Variants in CEP164 observed in about 807,000 individuals in gnomAD.
CEP164 encodes the protein centrosomal protein of 164 kDa.
In CEP164, 162 loss-of-function variants were observed where a neutral mutation model predicts 182.7. The observed-to-expected ratio is 0.89, with a 90% CI of 0.78 to 1.01. CEP164 has a LOEUF of 1.01. Ranked by LOEUF, CEP164 falls within the 50% of genes least tolerant of loss-of-function variation. The pLI, the probability that CEP164 is intolerant of heterozygous loss-of-function variation, is 0.00. For missense variants in CEP164, 1,735 were observed against 1,790.4 expected (o/e 0.97, Z 0.56); for synonymous variants, 661 against 690.0 (o/e 0.96, Z 0.66).
Position 117,412,222 on chromosome 11 carries a change from G to C in CEP164, c.*54G>C. Reference sequence around the variant, plus strand: ...AGCCTCTCCTCCACCCAGACCAAGTGCCTGAGGAGCTGCCTGCCTTCTTCC... The same window carrying C: ...AGCCTCTCCTCCACCCAGACCAAGTCCCTGAGGAGCTGCCTGCCTTCTTCC... On this transcript the variant is annotated 3_prime_UTR_variant, in exon 33 of 33. Coordinates refer to ENST00000278935, the MANE Select transcript of CEP164 (RefSeq NM_014956.5). 6.7e-7 allele frequency: 1 copy of C among 1,495,212 alleles called. No homozygotes were observed. Among genetic ancestry groups the C allele is most frequent in the Non-Finnish European group, 9.2e-7 (1 of 1,091,270 alleles). 92.6% of individuals were successfully genotyped at this position (1,495,212 alleles called of 1,614,324 possible). A position where few individuals can be genotyped will look rare whatever the true frequency, so the allele number is the denominator to read the frequency against.
chr11:117,368,868 G>A (rs1362080102), intron 8 of CEP164, among the ~76,000 whole-genome samples: 2 of 152,236 alleles, frequency 1.3e-5, no homozygotes, highest in African/African-American at 4.8e-5. Context: ...TAGGGATGCT[G>A]GGAGGGGTAG....
chr11:117,326,799 C>T (rs972749111), upstream of CEP164, among the ~76,000 whole-genome samples: 15 of 152,190 alleles, frequency 9.9e-5, no homozygotes, highest in African/African-American at 2.7e-4. Context: ...CTATCAGGAG[C>T]GGCTCTATGA....
intron 27 of CEP164, 151 bp downstream of exon 27, chr11:117,397,464 A>G (rs2045629008): frequency 1.5e-6 from 1 of 655,370 alleles, no homozygotes; most frequent in Non-Finnish European, 2.6e-6. Flanking sequence ...TTTACTTGGC[A>G]ATGCATAGTA....
rs534507508 is a variant in CEP164 at position 117,387,117 on chromosome 11, G to A, written c.1725-86G>A. The A allele has an allele frequency of 1.1e-3, 1,345 of 1,204,974 alleles. 3 individuals carry two copies. Among genetic ancestry groups the A allele is most frequent in the East Asian group, 3.3e-3 (141 of 42,842 alleles). 74.6% of individuals were successfully genotyped at this position (1,204,974 alleles called of 1,614,324 possible). On this transcript the variant is annotated intron_variant, in intron 14 of 32. Coordinates refer to ENST00000278935, the MANE Select transcript of CEP164 (RefSeq NM_014956.5). ...TGGGCCCTCCATTAGGATTCCATCT[G>A]TGATGTTCCGTATCCATTCTAACCT...
chr11:117,364,909 G>A (rs2041447730), intron 8 of CEP164, among the ~76,000 whole-genome samples: 2 of 152,198 alleles, frequency 1.3e-5, no homozygotes, highest in African/African-American at 4.8e-5. Context: ...CTTGCCAAAT[G>A]TGACACTTTT....
In CEP164 at chr11:117,411,698, AAG is replaced by A. The variant is rs2047371425; in HGVS notation, c.4164-94_4164-93del. On this transcript the variant is annotated intron_variant, in intron 31 of 32. Coordinates refer to ENST00000278935, the MANE Select transcript of CEP164 (RefSeq NM_014956.5). This position sits in a 1 kb window ranked among gnomAD's most constrained non-coding sequence, Gnocchi z 4.4. ...AGAAGCTGCTCTGGTAGCTGAGAGA[AAG>A]AGGGAGGAGGTGACAGATGTGATGG... The A allele has an allele frequency of 9.4e-5, 144 of 1,524,978 alleles. No individual in the cohort carries two copies. The East Asian group carries it at 3.2e-3, about 34-fold the overall frequency. 94.5% of individuals were successfully genotyped at this position (1,524,978 alleles called of 1,614,324 possible).
intron 5 of CEP164, among the ~76,000 whole-genome samples, chr11:117,361,283 C>G (rs2040934269): frequency 7.1e-6 from 1 of 139,866 alleles, no homozygotes; most frequent in Non-Finnish European, 1.5e-5. Flanking sequence ...GCTCTGTCAC[C>G]TGGCTGAAGG....
At chr11:117,352,750 C>G (rs1365781001) in intron 5 of CEP164, among the ~76,000 whole-genome samples, 1 of 152,130 alleles carries the variant, frequency 6.6e-6, no homozygotes, top group Non-Finnish European at 1.5e-5. Context: ...CCACGCCTGG[C>G]TAATTTTTGT....
intron 4 of CEP164, among the ~76,000 whole-genome samples, chr11:117,344,478 G>T (rs1459029386): frequency 6.6e-6 from 1 of 152,182 alleles, no homozygotes; most frequent in Non-Finnish European, 1.5e-5. Context: ...TCCCTAGGAT[G>T]GGGTTCAATG....
At position 117,394,649 on chromosome 11, in the gene CEP164, C is replaced by T. The variant is rs1403397708; in HGVS notation, c.2760+156C>T. Among the ~76,000 whole-genome samples, 2 of 152,190 alleles carry T rather than the reference C, an allele frequency of 1.3e-5. No homozygotes were observed. The highest frequency in any genetic ancestry group is 2.9e-5 in the Non-Finnish European group (2 of 68,016). ...TCTCCAAGCTGGGGCATCCTTGTTA[C>T]TTTGTTTTCTGGGCCAGGGAACACA... On this transcript the variant is annotated intron_variant, in intron 21 of 32. Coordinates refer to ENST00000278935, the MANE Select transcript of CEP164 (RefSeq NM_014956.5). This position sits in a 1 kb window ranked among gnomAD's most constrained non-coding sequence, Gnocchi z 4.0.
At chr11:117,386,911 C>T (rs1404165140) in intron 14 of CEP164, 2 of 375,374 alleles carry the variant, frequency 5.3e-6, no homozygotes, top group African/African-American at 4.1e-5. Flanking sequence ...AGCTCTTGAG[C>T]CGCAGCTTCA....
chr11:117,362,624 A>G, intron 7 of CEP164, 86 bp downstream of exon 7: 5 of 1,467,212 alleles, frequency 3.4e-6, no homozygotes, highest in Non-Finnish European at 4.6e-6. Flanking sequence ...GATAGAAAAA[A>G]TATGTAACAT....
intron 18 of CEP164, 39 bp from the exon 19 acceptor site, chr11:117,392,457 G>A: frequency 6.2e-7 from 1 of 1,602,276 alleles, no homozygotes; most frequent in Non-Finnish European, 8.5e-7. Context: ...CAGTCTGTCT[G>A]AGGGTCACAC....
chr11:117,342,529 T>G (rs2038272479), intron 3 of CEP164, among the ~76,000 whole-genome samples: 1 of 152,014 alleles, frequency 6.6e-6, no homozygotes, highest in Non-Finnish European at 1.5e-5. Context: ...CAGGCTGGAG[T>G]GCAATGGTGG....
chr11:117,329,667 G>A (rs1334312596), intron 1 of CEP164, among the ~76,000 whole-genome samples: 1 of 151,872 alleles, frequency 6.6e-6, no homozygotes, highest in African/African-American at 2.4e-5. Flanking sequence ...TCAGCTTCCC[G>A]AGTAGCTGGG....
At position 117,412,953 on chromosome 11, in the gene CEP164, C is replaced by A. The variant is rs2047496556; in HGVS notation, c.*785C>A. The A allele has an allele frequency of 6.6e-6, 1 of 152,244 alleles. No homozygotes were observed. Among genetic ancestry groups the A allele is most frequent in the Admixed American group, 6.5e-5 (1 of 15,286 alleles). The allele number at this position is 152,244 out of a possible 1,614,324, so 9.4% of individuals were successfully genotyped here. ...AAAAAGACTGGGTTGGCTTCTGGTC[C>A]TCATGATGGCTTTTATCCTCCTGGG... is the stretch of plus-strand genomic sequence containing the variant. On this transcript the variant is annotated 3_prime_UTR_variant, in exon 33 of 33. Coordinates refer to ENST00000278935, the MANE Select transcript of CEP164 (RefSeq NM_014956.5).
At chr11:117,332,726 A>G (rs910149603) in intron 1 of CEP164, among the ~76,000 whole-genome samples, 4 of 152,084 alleles carry the variant, frequency 2.6e-5, no homozygotes, top group Admixed American at 2.6e-4. Context: ...CGTGTGAGCC[A>G]CTCCTTTTTT....
At chr11:117,331,717 G>A (rs2036230477) in intron 1 of CEP164, among the ~76,000 whole-genome samples, 1 of 151,290 alleles carries the variant, frequency 6.6e-6, no homozygotes, top group African/African-American at 2.4e-5. Context: ...CAAAACTACT[G>A]CGGGTCTTCC....
At chr11:117,349,831 A>G (rs915734722) in intron 4 of CEP164, among the ~76,000 whole-genome samples, 2 of 152,266 alleles carry the variant, frequency 1.3e-5, no homozygotes, top group African/African-American at 4.8e-5. Context: ...CTCAAGGTCA[A>G]TGACACAATC....
Sources: gnomAD v4.1 joint callset for allele counts (sites outside exome capture counted in the v4.1 genomes callset) on GRCh38, gnomAD v4.1.1 for gene constraint, Gnocchi (gnomAD v3.1) non-coding constraint, MANE v1.5 for transcripts, NCBI Gene and HGNC (gene_info 2026-07-23, HGNC 2026-07-21) for gene names.